SVEP1: variants seen among roughly 807,000 people sequenced by gnomAD.
SVEP1 encodes sushi, von Willebrand factor type A, EGF and pentraxin domain-containing protein 1.
Under a neutral mutation model 367.3 loss-of-function variants are expected in SVEP1, and 164 were observed. The observed-to-expected ratio is 0.45, with a 90% CI of 0.39 to 0.51. The LOEUF (loss-of-function observed/expected upper bound fraction) is 0.51. Among genes scored for constraint, SVEP1 ranks in the 20% least tolerant of loss-of-function variants. The probability of loss-of-function intolerance (pLI) is 0.00; values close to 1 mark genes in which losing one functional copy is unlikely to be tolerated. For synonymous variants in SVEP1, 1,666 were observed against 1,611.6 expected (o/e 1.03, Z -0.81); for missense variants, 4,117 against 4,425.3 (o/e 0.93, Z 1.98).
intron 32 of SVEP1, 41 bp downstream of exon 32, chr9:110,431,874 G>C (rs1453578475): frequency 1.9e-6 from 3 of 1,610,480 alleles, no homozygotes; most frequent in Non-Finnish European, 8.5e-7. Flanking sequence ...TTGAATAAAA[G>C]AATGGAATTA....
intron 45 of SVEP1, 36 bp from the exon 46 acceptor site, chr9:110,375,499 G>A (rs1384711880): frequency 1.3e-6 from 2 of 1,483,036 alleles, no homozygotes; most frequent in South Asian, 1.3e-5. Context: ...AAGGAGGCAG[G>A]GGGGATTGAA....
chr9:110,422,331 A>G (rs1325963209), intron 36 of SVEP1, among the ~76,000 whole-genome samples: 1 of 1,290 alleles, frequency 7.8e-4, no homozygotes, highest in Admixed American at 5.6e-3. Flanking sequence ...ACACTTCTCA[A>G]AAGAAGACAT....
intron 39 of SVEP1, among the ~76,000 whole-genome samples, chr9:110,403,296 G>GTGTTTTTTTTTTT (rs1827893050): frequency 6.9e-5 from 3 of 43,460 alleles, no homozygotes; most frequent in East Asian, 6.8e-4. Context: ...CGCCACCGCC[G>GTGTTTTTTTTTTT]TTTTTTTTTT....
chr9:110,495,603 C>T lies in SVEP1; in HGVS notation c.1800+1212G>A, dbSNP rs146398130. ...GAACAGCTATTTTTTCTATGTTGCG[C>T]TCTGCATCCCCCCCGCCGCCCCCAG... On this transcript the variant is annotated intron_variant, in intron 8 of 47. Transcript: ENST00000374469. 5.3e-3 allele frequency among the ~76,000 whole-genome samples: 812 copies of T among 152,124 alleles called. 5 individuals are homozygous for T. Among genetic ancestry groups the T allele is most frequent in the Admixed American group, 0.013 (191 of 15,278 alleles).
At chr9:110,387,022 CAT>C (rs1827535443) in intron 42 of SVEP1, among the ~76,000 whole-genome samples, 2 of 145,744 alleles carry the variant, frequency 1.4e-5, no homozygotes, top group African/African-American at 2.5e-5. Flanking sequence ...ATTCATGATA[CAT>C]GTATGTCAAA....
chr9:110,510,946 C>G (rs926953158), intron 5 of SVEP1, among the ~76,000 whole-genome samples: 1 of 152,178 alleles, frequency 6.6e-6, no homozygotes, highest in Admixed American at 6.5e-5. Context: ...CACACATGAA[C>G]AGTAGCTTGC....
At chr9:110,502,473 G>T (rs543010433) in intron 6 of SVEP1, among the ~76,000 whole-genome samples, 1 of 151,910 alleles carries the variant, frequency 6.6e-6, no homozygotes, top group African/African-American at 2.4e-5. Flanking sequence ...TTAAAGCTTT[G>T]CTTCTTAACC....
chr9:110,424,037 A>T (rs1212941042), intron 36 of SVEP1, among the ~76,000 whole-genome samples: 1 of 152,206 alleles, frequency 6.6e-6, no homozygotes, highest in Non-Finnish European at 1.5e-5. Context: ...GCTATCTCAC[A>T]TATTATTGTT....
chr9:110,383,796 G>A (rs1827479749), intron 43 of SVEP1, among the ~76,000 whole-genome samples: 1 of 152,136 alleles, frequency 6.6e-6, no homozygotes, highest in African/African-American at 2.4e-5. Context: ...ATAAACCCCT[G>A]GCTGGAGTTG....
intron 24 of SVEP1, among the ~76,000 whole-genome samples, chr9:110,447,946 T>C (rs1203511097): frequency 7.1e-6 from 1 of 141,090 alleles, no homozygotes; most frequent in Admixed American, 7.4e-5. Context: ...TACTTGAAAA[T>C]ATCATGCTGA....
intron 45 of SVEP1, 23 bp from the exon 46 acceptor site, chr9:110,375,486 A>C: frequency 6.8e-7 from 1 of 1,463,004 alleles, no homozygotes; most frequent in Non-Finnish European, 9.2e-7. Flanking sequence ...AAAAAAAAAA[A>C]AAAAGGAGGC....
chr9:110,530,725 C>T (rs1278460997), intron 3 of SVEP1, among the ~76,000 whole-genome samples: 2 of 151,806 alleles, frequency 1.3e-5, no homozygotes, highest in East Asian at 1.9e-4. Flanking sequence ...TTTGTAGAGA[C>T]GGGGTCTCAC....
chr9:110,517,450 T>C (rs1411139239), intron 3 of SVEP1, among the ~76,000 whole-genome samples: 1 of 151,766 alleles, frequency 6.6e-6, no homozygotes, highest in Non-Finnish European at 1.5e-5. Flanking sequence ...ATACAAAAGT[T>C]AGCTGGACAT....
chr9:110,492,684 T>G (rs572790412), intron 8 of SVEP1, among the ~76,000 whole-genome samples: 61 of 152,130 alleles, frequency 4.0e-4, no homozygotes, highest in African/African-American at 1.4e-3. Flanking sequence ...GTCTTCTCCA[T>G]GGGGCAAGGA....
intron 1 of SVEP1, among the ~76,000 whole-genome samples, chr9:110,554,918 T>C (rs1482761015): frequency 6.6e-6 from 1 of 152,196 alleles, no homozygotes; most frequent in Admixed American, 6.5e-5. Flanking sequence ...TCTGTTATGA[T>C]TGAGATGAAA....
chr9:110,493,511 A>G (rs1829401374), intron 8 of SVEP1, among the ~76,000 whole-genome samples: 1 of 152,022 alleles, frequency 6.6e-6, no homozygotes. Context: ...AAGGCAGGAG[A>G]TCACTGGGTC....
chr9:110,432,311 T>C, intron 31 of SVEP1, 151 bp downstream of exon 31: 1 of 1,035,770 alleles, frequency 9.7e-7, no homozygotes, highest in Non-Finnish European at 1.4e-6. Flanking sequence ...CACCTCTACA[T>C]ACAGCTGCTT....
chr9:110,431,113 C>G (rs1489616704), intron 32 of SVEP1, among the ~76,000 whole-genome samples: 1 of 152,108 alleles, frequency 6.6e-6, no homozygotes, highest in Non-Finnish European at 1.5e-5. Flanking sequence ...CAATTATGAG[C>G]TGATTTTGAG....
Position 110,513,053 on chromosome 9 carries a change from GT to G in SVEP1, c.1175del (p.Asn392ThrfsTer44). ...KPPENGYFIQNTCNNHFNAAC... is the reference protein window; with the variant it reads ...KPPENGYFIQXTCNNHFNAAC... ...CTGCATTGAAGTGGTTGTTGCAAGT[GT>G]TTTGGATAAAGTAACCATTTTCGGG... is the stretch of plus-strand genomic sequence containing the variant. On this transcript the variant is annotated frameshift_variant, in exon 5 of 48. Coordinates refer to ENST00000374469, the MANE Select transcript of SVEP1 (RefSeq NM_153366.4). LOFTEE classifies it high-confidence loss of function. The G allele has an allele frequency of 1.9e-6, 3 of 1,613,994 alleles. No individual in the cohort carries two copies. Among genetic ancestry groups the G allele is most frequent in the Non-Finnish European group, 2.5e-6 (3 of 1,179,872 alleles).
Sources: gnomAD v4.1 joint callset for allele counts (sites outside exome capture counted in the v4.1 genomes callset) on GRCh38, gnomAD v4.1.1 for gene constraint, MANE v1.5 for transcripts, NCBI Gene and HGNC (gene_info 2026-07-23, HGNC 2026-07-21) for gene names.